The following CWC27 variants were observed in gnomAD, a reference collection of about 807,000 sequenced individuals.
The protein encoded by CWC27 is spliceosome-associated protein CWC27 homolog.
A neutral mutation model predicts 63.6 loss-of-function variants in CWC27; 47 were observed. The ratio of observed to expected loss-of-function variants is 0.74; its 90% CI spans 0.58 to 0.94. The LOEUF is 0.94. CWC27 is among the 40% of genes least tolerant of loss of function. CWC27 has a pLI of 0.00. For missense variants in CWC27, 495 were observed against 554.3 expected (o/e 0.89, Z 1.07); for synonymous variants, 175 against 179.8 (o/e 0.97, Z 0.22).
chr5:64,981,332 T>C (rs957628628), intron 13 of CWC27, among the ~76,000 whole-genome samples: 4 of 152,224 alleles, frequency 2.6e-5, no homozygotes, highest in Non-Finnish European at 1.5e-5. Context: ...TTAGATCATA[T>C]AGTACTACAG....
chr5:64,895,840 T>C (rs767813950), intron 11 of CWC27, among the ~76,000 whole-genome samples: 6 of 152,134 alleles, frequency 3.9e-5, no homozygotes, highest in Non-Finnish European at 5.9e-5. Flanking sequence ...AAATGAACAT[T>C]AGTGACTTGA....
intron 7 of CWC27, among the ~76,000 whole-genome samples, chr5:64,791,017 C>T (rs755499708): frequency 1.4e-4 from 21 of 152,004 alleles, no homozygotes; most frequent in Non-Finnish European, 2.9e-4. Context: ...AAGCCCAAGA[C>T]GTCTCAAAGG....
At chr5:64,924,914 C>T (rs946827947) in intron 11 of CWC27, among the ~76,000 whole-genome samples, 1 of 151,500 alleles carries the variant, frequency 6.6e-6, no homozygotes, top group African/African-American at 2.4e-5. Context: ...AGAAACTAAC[C>T]AAAGTTATTT....
chr5:65,004,567 G>A (rs1439587121), intron 13 of CWC27, among the ~76,000 whole-genome samples: 3 of 131,812 alleles, frequency 2.3e-5, no homozygotes, highest in Non-Finnish European at 3.2e-5. Flanking sequence ...TATCTATCTC[G>A]TTGAATTTTT....
At chr5:64,775,200 C>T (rs1743398161) in intron 2 of CWC27, among the ~76,000 whole-genome samples, 1 of 152,168 alleles carries the variant, frequency 6.6e-6, no homozygotes, top group African/African-American at 2.4e-5. Flanking sequence ...ATTTACATAT[C>T]TAATTGCCTA....
intron 13 of CWC27, among the ~76,000 whole-genome samples, chr5:65,016,961 G>A (rs1476290129): frequency 6.6e-6 from 1 of 152,184 alleles, no homozygotes; most frequent in African/African-American, 2.4e-5. Flanking sequence ...CCTATCTGCT[G>A]TGATGAAGAA....
chr5:64,784,813 A>G (rs1275441608), intron 4 of CWC27, among the ~76,000 whole-genome samples: 1 of 152,216 alleles, frequency 6.6e-6, no homozygotes, highest in African/African-American at 2.4e-5. Flanking sequence ...GGAAATATGC[A>G]TTGGCACATT....
At chr5:64,961,459 AATTTT>A (rs1239412160) in intron 11 of CWC27, among the ~76,000 whole-genome samples, 1 of 151,862 alleles carries the variant, frequency 6.6e-6, no homozygotes, top group Non-Finnish European at 1.5e-5. Flanking sequence ...ATATTTTTTT[AATTTT>A]ATTTTAACGC....
chr5:64,853,254 T>C (rs1746178962), intron 10 of CWC27, among the ~76,000 whole-genome samples: 1 of 152,164 alleles, frequency 6.6e-6, no homozygotes, highest in African/African-American at 2.4e-5. Flanking sequence ...TATAATAAAT[T>C]AACTTTATTG....
At chr5:64,875,993 G>A (rs1346767149) in intron 10 of CWC27, among the ~76,000 whole-genome samples, 1 of 152,044 alleles carries the variant, frequency 6.6e-6, no homozygotes, top group Non-Finnish European at 1.5e-5. Context: ...TCATTTCTAG[G>A]TGAGTGAACT....
At chr5:64,960,303 G>A (rs1748883759) in intron 11 of CWC27, among the ~76,000 whole-genome samples, 1 of 151,674 alleles carries the variant, frequency 6.6e-6, no homozygotes, top group Admixed American at 6.6e-5. Flanking sequence ...TATATCCCCA[G>A]GCTTATAATC....
chr5:64,792,037 A>G (rs1008416455), intron 7 of CWC27, among the ~76,000 whole-genome samples: 10 of 151,786 alleles, frequency 6.6e-5, no homozygotes, highest in Non-Finnish European at 1.2e-4. Flanking sequence ...TTTTCCTTCC[A>G]CTACCAGAGC....
chr5:64,859,192 T>C (rs916199627), intron 10 of CWC27, among the ~76,000 whole-genome samples: 4 of 152,192 alleles, frequency 2.6e-5, no homozygotes, highest in African/African-American at 7.2e-5. Context: ...TCTATTTATT[T>C]GAATTGTTAG....
chr5:65,017,962 C>T (rs1293602561), intron 13 of CWC27, among the ~76,000 whole-genome samples, 197 bp from the exon 14 acceptor site: 1 of 152,214 alleles, frequency 6.6e-6, no homozygotes. Flanking sequence ...ACCAGCAGAA[C>T]AAACTCCAGA....
intron 13 of CWC27, among the ~76,000 whole-genome samples, chr5:64,990,977 T>G (rs891731312): frequency 1.3e-5 from 2 of 152,168 alleles, no homozygotes; most frequent in Non-Finnish European, 2.9e-5. Flanking sequence ...AAATAATGTG[T>G]GAGGTGTGGG....
At chr5:64,991,386 G>C (rs1749533810) in intron 13 of CWC27, among the ~76,000 whole-genome samples, 1 of 151,914 alleles carries the variant, frequency 6.6e-6, no homozygotes, top group Non-Finnish European at 1.5e-5. Flanking sequence ...TTCTGCTATT[G>C]TTTGTTTAAC....
At chr5:64,992,574 C>T (rs1749555850) in intron 13 of CWC27, among the ~76,000 whole-genome samples, 1 of 151,824 alleles carries the variant, frequency 6.6e-6, no homozygotes, top group East Asian at 1.9e-4. Context: ...CTCTGTTGCC[C>T]AGGCTGCAGT....
intron 10 of CWC27, among the ~76,000 whole-genome samples, chr5:64,837,677 T>G (rs944468577): frequency 2.0e-5 from 3 of 151,950 alleles, no homozygotes; most frequent in Non-Finnish European, 4.4e-5. Flanking sequence ...GTATTTTCCA[T>G]TTTGACATTA....
intron 7 of CWC27, among the ~76,000 whole-genome samples, chr5:64,795,246 A>G (rs1331574954): frequency 6.6e-6 from 1 of 152,190 alleles, no homozygotes; most frequent in Non-Finnish European, 1.5e-5. Context: ...GTAATTTGTA[A>G]AATGTTTCTG....
Sources: gnomAD v4.1 joint callset for allele counts (sites outside exome capture counted in the v4.1 genomes callset) on GRCh38, gnomAD v4.1.1 for gene constraint, MANE v1.5 for transcripts, NCBI Gene and HGNC (gene_info 2026-07-23, HGNC 2026-07-21) for gene names.